The following ZFHX3 variants were observed in gnomAD, a reference collection of about 807,000 sequenced individuals.
The protein encoded by ZFHX3 is zinc finger homeobox 3, also known as zinc finger homeobox protein 3.
In ZFHX3, 42 loss-of-function variants were observed where a neutral mutation model predicts 279.1. The observed-to-expected ratio is 0.15, with a 90% CI of 0.12 to 0.19. The LOEUF (loss-of-function observed/expected upper bound fraction) is 0.19, where lower values mean the gene tolerates loss of function less well. Ranked by LOEUF, ZFHX3 falls within the 10% of genes least tolerant of loss-of-function variation. The probability of loss-of-function intolerance (pLI) is 1.00; values close to 1 mark genes in which losing one functional copy is unlikely to be tolerated. For missense variants in ZFHX3, 4,981 were observed against 4,754.0 expected, an observed-to-expected ratio of 1.05 and a Z score of -1.40; for synonymous variants, 2,293 against 1,957.8, an observed-to-expected ratio of 1.17 and a Z score of -4.52.
At chr16:73,288,286 A>G (rs2014680576) in intron 4 of ZFHX3, among the ~76,000 whole-genome samples, 1 of 152,152 alleles carries the variant, frequency 6.6e-6, no homozygotes, top group Non-Finnish European at 1.5e-5. Context: ...AAATCCGGCC[A>G]GGGGATTGCA....
intron 6 of ZFHX3, among the ~76,000 whole-genome samples, chr16:73,136,208 T>C (rs1246292419): frequency 1.3e-5 from 2 of 152,134 alleles, no homozygotes; most frequent in Non-Finnish European, 2.9e-5. Context: ...ATTAACTCCT[T>C]TCCTTTCCTT....
chr16:73,321,435 G>A (rs1252883772), intron 3 of ZFHX3, among the ~76,000 whole-genome samples: 2 of 152,152 alleles, frequency 1.3e-5, no homozygotes, highest in South Asian at 2.1e-4. Flanking sequence ...CAGTTATAAA[G>A]GGACATAACT....
intron 1 of ZFHX3, among the ~76,000 whole-genome samples, chr16:73,824,168 T>G (rs574288950): frequency 6.6e-6 from 1 of 152,296 alleles, no homozygotes; most frequent in African/African-American, 2.4e-5. Context: ...AATATCCTAC[T>G]GTGCTTTGGA....
intron 5 of ZFHX3, chr16:73,233,230 G>C (rs1199920656): frequency 1.3e-5 from 2 of 151,958 alleles, no homozygotes; most frequent in Non-Finnish European, 2.9e-5. Flanking sequence ...ACGGAATATC[G>C]TGTGAGCACA....
At chr16:73,368,117 C>G (rs572685740) in intron 3 of ZFHX3, among the ~76,000 whole-genome samples, 1 of 152,146 alleles carries the variant, frequency 6.6e-6, no homozygotes, top group Non-Finnish European at 1.5e-5. Context: ...GTGATCCACC[C>G]GCCTTGGCCT....
At chr16:73,860,184 A>G (rs933258136) in intron 1 of ZFHX3, among the ~76,000 whole-genome samples, 4 of 152,196 alleles carry the variant, frequency 2.6e-5, no homozygotes. Flanking sequence ...TTAAGAAAAA[A>G]CATTGATAAA....
At chr16:72,870,842 A>G (rs535517382) in intron 4 of ZFHX3, among the ~76,000 whole-genome samples, 1 of 152,300 alleles carries the variant, frequency 6.6e-6, no homozygotes, top group East Asian at 1.9e-4. Context: ...TAATAACCTA[A>G]TAGTTTTATA....
intron 5 of ZFHX3, among the ~76,000 whole-genome samples, chr16:73,250,179 A>G (rs1203846392): frequency 6.6e-6 from 1 of 152,248 alleles, no homozygotes; most frequent in Non-Finnish European, 1.5e-5. Context: ...GTACAATAAC[A>G]TGTTTTCATC....
chr16:72,906,267 C>A (rs937675680), intron 3 of ZFHX3, among the ~76,000 whole-genome samples: 2 of 152,014 alleles, frequency 1.3e-5, no homozygotes, highest in African/African-American at 4.8e-5. Context: ...TTTTCACCAG[C>A]CAGTCCACAC....
At chr16:73,427,982 C>T (rs1193578353) in intron 3 of ZFHX3, among the ~76,000 whole-genome samples, 1 of 151,918 alleles carries the variant, frequency 6.6e-6, no homozygotes, top group Non-Finnish European at 1.5e-5. Context: ...CCCCAGGCCT[C>T]GTGAATTTAT....
Position 73,093,745 on chromosome 16 carries a change from A to G in ZFHX3, c.-896-147T>C, listed in dbSNP as rs184906072. ...GTTCCCAGGAAAATTCTAACTAATC[A>G]TAAAAATAGAAAGAAAAACGCAACC... is the stretch of plus-strand genomic sequence containing the variant. On this transcript the variant is annotated intron_variant, in intron 7 of 17. Transcript: ENST00000641206. The G allele has an allele frequency of 4.1e-3, 1,059 of 258,022 alleles. 14 individuals are homozygous for G. The highest frequency in any genetic ancestry group is 0.018 in the South Asian group (408 of 22,862). 16.0% of individuals were successfully genotyped at this position (258,022 alleles called of 1,614,324 possible). A position where few individuals can be genotyped will look rare whatever the true frequency, so the allele number is the denominator to read the frequency against.
chr16:72,793,839 C>T lies in ZFHX3; in HGVS notation c.8843G>A (p.Arg2948His), dbSNP rs2143388441. The change falls in exon 9 of 10, where the codon CGT (arginine) becomes CAT (histidine). Residue 2948 changes from arginine to histidine, a missense_variant. Around this residue, in one of 7 missense-constraint regions of ZFHX3, gnomAD observed 168 missense variants for 249.1 expected, o/e 0.67. Coordinates refer to ENST00000268489, the MANE Select transcript of ZFHX3 (RefSeq NM_006885.4). This position sits in a 1 kb window ranked among gnomAD's most constrained non-coding sequence, Gnocchi z 4.3. ...CAGATTGGTCATTTGAGTGCGAAAA[C>T]GTTTCTGCCCAGGCCGATCTCCGCT... is the stretch of plus-strand genomic sequence containing the variant. ...GDSGDRPGQK[R>H]FRTQMTNLQL... 1.9e-6 allele frequency: 3 copies of T among 1,614,154 alleles called. No individual in the cohort carries two copies. Among genetic ancestry groups the T allele is most frequent in the Non-Finnish European group, 2.5e-6 (3 of 1,180,044 alleles).
intron 3 of ZFHX3, among the ~76,000 whole-genome samples, chr16:73,451,862 TA>T (rs2018286191): frequency 6.6e-6 from 1 of 152,238 alleles, no homozygotes; most frequent in Admixed American, 6.5e-5. Flanking sequence ...TTCCATGTGA[TA>T]AACACAACAC....
chr16:73,728,015 G>GCCCCCTCCCCC (rs2053534637), intron 1 of ZFHX3, among the ~76,000 whole-genome samples: 1 of 75,426 alleles, frequency 1.3e-5, no homozygotes, highest in Non-Finnish European at 2.6e-5. Context: ...GCCGAATTGT[G>GCCCCCTCCCCC]CCCCCCCCCC....
At chr16:73,017,989 CTT>C (rs11460634) in intron 1 of ZFHX3, among the ~76,000 whole-genome samples, 7 of 143,708 alleles carry the variant, frequency 4.9e-5, no homozygotes, top group Non-Finnish European at 6.1e-5. Context: ...CAGTTTTTAT[CTT>C]TTTTTTTTTT....
chr16:73,592,865 A>G (rs2052013812), intron 2 of ZFHX3, among the ~76,000 whole-genome samples: 1 of 152,158 alleles, frequency 6.6e-6, no homozygotes, highest in Non-Finnish European at 1.5e-5. Context: ...ATTAATAAAA[A>G]CAAAGAAACT....
At chr16:73,744,351 A>T (rs927699763) in intron 1 of ZFHX3, among the ~76,000 whole-genome samples, 7 of 152,220 alleles carry the variant, frequency 4.6e-5, no homozygotes, top group Non-Finnish European at 1.0e-4. Flanking sequence ...GGAACAACTC[A>T]TCTAGAGATG....
At chr16:73,247,543 G>A (rs1046150307) in intron 5 of ZFHX3, among the ~76,000 whole-genome samples, 5 of 151,796 alleles carry the variant, frequency 3.3e-5, no homozygotes, top group Admixed American at 3.3e-4. Context: ...ATGTGTCTGT[G>A]TCTATGTGCC....
intron 2 of ZFHX3, among the ~76,000 whole-genome samples, chr16:73,595,319 C>A (rs1196567181): frequency 6.6e-6 from 1 of 152,178 alleles, no homozygotes; most frequent in Non-Finnish European, 1.5e-5. Context: ...TGTCCTCTAG[C>A]AAAGTGTACC....
Sources: gnomAD v4.1 joint callset for allele counts (sites outside exome capture counted in the v4.1 genomes callset) on GRCh38, gnomAD v4.1.1 for gene constraint, gnomAD v4.1.1 regional missense constraint, Gnocchi (gnomAD v3.1) non-coding constraint, MANE v1.5 for transcripts, NCBI Gene and HGNC (gene_info 2026-07-23, HGNC 2026-07-21) for gene names.